Variants in RFX4 observed in about 807,000 individuals in gnomAD.
RFX4 encodes transcription factor RFX4.
RFX4 carries 10 observed loss-of-function variants against 95.0 expected under a neutral mutation model. The ratio of observed to expected loss-of-function variants is 0.11; its 90% CI spans 0.06 to 0.18. The LOEUF (loss-of-function observed/expected upper bound fraction) is 0.18. Among genes scored for constraint, RFX4 ranks in the 10% least tolerant of loss-of-function variants. The pLI is 1.00. For missense variants in RFX4, 640 were observed against 922.0 expected (o/e 0.69, Z 3.96); for synonymous variants, 321 against 340.7 (o/e 0.94, Z 0.64).
At chr12:106,716,799 C>T (rs1301158326) in intron 11 of RFX4, among the ~76,000 whole-genome samples, 1 of 152,010 alleles carries the variant, frequency 6.6e-6, no homozygotes, top group African/African-American at 2.4e-5. Flanking sequence ...ATTTAATCTC[C>T]ACATCAACCC....
At chr12:106,620,683 G>A (rs541044142) in intron 2 of RFX4, among the ~76,000 whole-genome samples, 15 of 152,002 alleles carry the variant, frequency 9.9e-5, no homozygotes, top group Admixed American at 8.5e-4. Context: ...AACAGGGATC[G>A]AGAGCAGAGA....
Position 106,720,727 on chromosome 12 carries a change from G to A in RFX4, c.1234-32G>A, listed in dbSNP as rs2042381680. Reference sequence around the variant, plus strand: ...ACAGTAATAAATGAAAGGTCAAGTCGACCACTATTAAAGCCATTTACTTTC... The same window carrying A: ...ACAGTAATAAATGAAAGGTCAAGTCAACCACTATTAAAGCCATTTACTTTC... On this transcript the variant is annotated intron_variant, in intron 12 of 17. Coordinates refer to ENST00000392842, the MANE Select transcript of RFX4 (RefSeq NM_213594.3). This position sits in a 1 kb window ranked among gnomAD's most constrained non-coding sequence, Gnocchi z 4.2. 2 of 1,590,764 alleles carry A rather than the reference G, an allele frequency of 1.3e-6. No homozygotes were observed. Among genetic ancestry groups the A allele is most frequent in the Middle Eastern group, 1.7e-4 (1 of 5,830 alleles).
At chr12:106,602,674 C>G (rs1197173033) in intron 1 of RFX4, among the ~76,000 whole-genome samples, 3 of 152,114 alleles carry the variant, frequency 2.0e-5, no homozygotes, top group Non-Finnish European at 4.4e-5. Context: ...CCTTGTGGTC[C>G]CCTCTCTCTG....
In RFX4 at chr12:106,711,459, G is replaced by C. The variant is rs1320135891; in HGVS notation, c.941G>C (p.Arg314Thr). The C allele has an allele frequency of 6.2e-7, 1 of 1,613,636 alleles. No homozygotes were observed. Among genetic ancestry groups the C allele is most frequent in the African/African-American group, 1.3e-5 (1 of 74,906 alleles). ...AATTCTTTTCTCCTTGCAGTGTCGAGAAGGTTCTCCCAAATTCTGAGACGG... is the reference window on the plus strand; with the variant it reads ...AATTCTTTTCTCCTTGCAGTGTCGACAAGGTTCTCCCAAATTCTGAGACGG... The part of the protein sequence containing the change: ...NLRNIKFELS[R>T]RFSQILRRQT... The change falls in exon 10 of 18, where the codon AGA becomes ACA. Residue 314 changes from arginine (R) to threonine (T), a missense_variant. Coordinates refer to ENST00000392842, the MANE Select transcript of RFX4 (RefSeq NM_213594.3).
At chr12:106,641,640 C>A (rs1216074979) in intron 3 of RFX4, among the ~76,000 whole-genome samples, 1 of 152,204 alleles carries the variant, frequency 6.6e-6, no homozygotes, top group Admixed American at 6.5e-5. Flanking sequence ...CAAGGTCAGA[C>A]AGTGAATTTT....
intron 4 of RFX4, chr12:106,662,385 T>A (rs998561040): frequency 6.5e-6 from 1 of 153,534 alleles, no homozygotes; most frequent in Admixed American, 6.5e-5. Flanking sequence ...TTAAGTAAGG[T>A]CTTTGGTCCA....
At chr12:106,697,738 C>CTG (rs1000124544) in intron 8 of RFX4, among the ~76,000 whole-genome samples, 2 of 151,984 alleles carry the variant, frequency 1.3e-5, no homozygotes, top group Admixed American at 1.3e-4. Context: ...GCTTCCTGCT[C>CTG]TGTGTGTGTG....
At chr12:106,648,439 A>T (rs1397524456) in intron 3 of RFX4, among the ~76,000 whole-genome samples, 9 of 150,480 alleles carry the variant, frequency 6.0e-5, no homozygotes, top group African/African-American at 2.2e-4. Flanking sequence ...GGGAACAGGG[A>T]GCCGTTGACG....
At chr12:106,759,410 T>C (rs2136107421) in intron 17 of RFX4, among the ~76,000 whole-genome samples, 1 of 152,162 alleles carries the variant, frequency 6.6e-6, no homozygotes, top group Non-Finnish European at 1.5e-5. Flanking sequence ...GAAGACCAGG[T>C]GGGGCAAGCA....
chr12:106,597,270 T>C (rs2039634756), intron 1 of RFX4, among the ~76,000 whole-genome samples: 1 of 151,932 alleles, frequency 6.6e-6, no homozygotes, highest in Non-Finnish European at 1.5e-5. Flanking sequence ...AGGAAGGAAA[T>C]TGAGGCCCAT....
At chr12:106,686,824 C>G in intron 5 of RFX4, 60 bp from the exon 6 acceptor site, 1 of 1,491,464 alleles carries the variant, frequency 6.7e-7, no homozygotes, top group Non-Finnish European at 9.2e-7. Context: ...AATAACAGTG[C>G]ATGTGGGTCT....
chr12:106,752,963 C>G (rs1326943583), intron 17 of RFX4, among the ~76,000 whole-genome samples: 1 of 152,118 alleles, frequency 6.6e-6, no homozygotes, highest in East Asian at 1.9e-4. Context: ...CAGCTCAGGC[C>G]TTTATCATAT....
chr12:106,607,068 G>A (rs1272917263), intron 1 of RFX4, among the ~76,000 whole-genome samples: 4 of 152,150 alleles, frequency 2.6e-5, no homozygotes, highest in Non-Finnish European at 5.9e-5. Flanking sequence ...GGCCTGGCAT[G>A]TTCAAATAGG....
intron 7 of RFX4, among the ~76,000 whole-genome samples, chr12:106,691,977 T>G (rs2041793363): frequency 6.6e-6 from 1 of 152,080 alleles, no homozygotes; most frequent in Non-Finnish European, 1.5e-5. Context: ...GTCAGCATGA[T>G]GAAACCTCAT....
chr12:106,680,025 G>A (rs1225530860), intron 4 of RFX4, among the ~76,000 whole-genome samples: 1 of 152,092 alleles, frequency 6.6e-6, no homozygotes, highest in Non-Finnish European at 1.5e-5. Flanking sequence ...TAAAGAGATG[G>A]GATTTATTGC....
intron 13 of RFX4, among the ~76,000 whole-genome samples, chr12:106,729,451 T>C (rs555887894): frequency 6.6e-6 from 1 of 152,358 alleles, no homozygotes; most frequent in East Asian, 1.9e-4. Flanking sequence ...TTAGTACTTC[T>C]GTAATGTACA....
At chr12:106,642,191 G>A (rs893754231) in intron 3 of RFX4, among the ~76,000 whole-genome samples, 2 of 151,878 alleles carry the variant, frequency 1.3e-5, no homozygotes, top group Non-Finnish European at 2.9e-5. Context: ...TTTATTTTTA[G>A]TAGAGACAGG....
At chr12:106,681,222 C>T (rs1269166405) in intron 4 of RFX4, 3 of 152,220 alleles carry the variant, frequency 2.0e-5, no homozygotes, top group Non-Finnish European at 2.9e-5. Context: ...GGATTGGGGT[C>T]TTTGCATGTG....
chr12:106,589,876 G>T (rs796248367), intron 1 of RFX4, among the ~76,000 whole-genome samples: 4 of 152,204 alleles, frequency 2.6e-5, no homozygotes. Flanking sequence ...GTATCACAGC[G>T]GTTGAGTAGA....
Sources: gnomAD v4.1 joint callset for allele counts (sites outside exome capture counted in the v4.1 genomes callset) on GRCh38, gnomAD v4.1.1 for gene constraint, Gnocchi (gnomAD v3.1) non-coding constraint, MANE v1.5 for transcripts, NCBI Gene and HGNC (gene_info 2026-07-23, HGNC 2026-07-21) for gene names.